The following KIAA1217 variants were observed in gnomAD, a reference collection of about 807,000 sequenced individuals.
KIAA1217 encodes the protein KIAA1217.
In KIAA1217, 88 loss-of-function variants were observed where a neutral mutation model predicts 163.9. The observed-to-expected ratio is 0.54, with a 90% CI of 0.45 to 0.64. KIAA1217 has a LOEUF of 0.64. Among genes scored for constraint, KIAA1217 ranks in the 30% least tolerant of loss-of-function variants. The probability of loss-of-function intolerance (pLI) is 0.00; values close to 1 mark genes in which losing one functional copy is unlikely to be tolerated. For synonymous variants in KIAA1217, 903 were observed against 923.1 expected, an observed-to-expected ratio of 0.98 and a Z score of 0.39; for missense variants, 2,372 against 2,475.0, an observed-to-expected ratio of 0.96 and a Z score of 0.88.
rs1000375729 is a variant in KIAA1217, at chr10:24,271,086, A to G, written c.354+51177A>G. On this transcript the variant is annotated intron_variant, in intron 2 of 20. Coordinates refer to ENST00000376454, the MANE Select transcript of KIAA1217 (RefSeq NM_019590.5). Reference sequence around the variant, plus strand: ...AAAGCATATTCTTAATTTGTCTATAATTTTTCCTTTAATTGGTAGTTTGGC... The same window carrying G: ...AAAGCATATTCTTAATTTGTCTATAGTTTTTCCTTTAATTGGTAGTTTGGC... Among the ~76,000 whole-genome samples the G allele has an allele frequency of 2.0e-5, 3 of 152,160 alleles. 1 individual carries two copies. In the South Asian group the frequency reaches 6.2e-4, roughly 32 times the overall value.
chr10:23,907,847 T>A (rs1249690083), intron 1 of KIAA1217, among the ~76,000 whole-genome samples: 1 of 152,048 alleles, frequency 6.6e-6, no homozygotes, highest in African/African-American at 2.4e-5. Flanking sequence ...TGCCTGCTCC[T>A]CTTCTAGGCT....
At chr10:24,521,731 T>G (rs753117955) in intron 11 of KIAA1217, 51 bp from the exon 12 acceptor site, 1 of 1,585,482 alleles carries the variant, frequency 6.3e-7, no homozygotes, top group South Asian at 1.1e-5. Context: ...GGATGAGGGT[T>G]GTCGTTCTGG....
chr10:23,883,207 T>C (rs1038800732), intron 1 of KIAA1217, among the ~76,000 whole-genome samples: 9 of 152,096 alleles, frequency 5.9e-5, no homozygotes, highest in African/African-American at 1.7e-4. Context: ...TACACTGGTC[T>C]GAAATTTAAG....
intron 1 of KIAA1217, among the ~76,000 whole-genome samples, chr10:23,719,304 G>A (rs114336619): frequency 0.018 from 2,693 of 152,306 alleles, 78 homozygotes; most frequent in African/African-American, 0.062. Context: ...GCCTAGTCCG[G>A]GTGCCGTGGC....
intron 1 of KIAA1217, among the ~76,000 whole-genome samples, chr10:23,743,114 C>A (rs1490298729): frequency 6.6e-6 from 1 of 152,086 alleles, no homozygotes; most frequent in Non-Finnish European, 1.5e-5. Context: ...CTGGGAATTT[C>A]TGCAAGATGA....
intron 1 of KIAA1217, among the ~76,000 whole-genome samples, chr10:23,824,449 G>A (rs1394503022): frequency 6.7e-6 from 1 of 150,008 alleles, no homozygotes; most frequent in Non-Finnish European, 1.5e-5. Context: ...CCAACATGGT[G>A]AAACCCCGTC....
chr10:24,284,771 A>T (rs1023255788), intron 2 of KIAA1217, among the ~76,000 whole-genome samples: 1 of 152,178 alleles, frequency 6.6e-6, no homozygotes, highest in Non-Finnish European at 1.5e-5. Flanking sequence ...GGAGATTGCT[A>T]GGTCAAATGG....
At chr10:24,320,888 A>G (rs1051345886) in intron 2 of KIAA1217, among the ~76,000 whole-genome samples, 1 of 152,076 alleles carries the variant, frequency 6.6e-6, no homozygotes, top group African/African-American at 2.4e-5. Flanking sequence ...CTAAAAATAC[A>G]AAACCAAAAT....
At chr10:23,890,729 A>G (rs1008222399) in intron 1 of KIAA1217, among the ~76,000 whole-genome samples, 13 of 152,128 alleles carry the variant, frequency 8.5e-5, no homozygotes, top group African/African-American at 2.2e-4. Flanking sequence ...GAGGTTATTG[A>G]ATAAAGTATT....
chr10:24,107,658 T>G (rs139673062), intron 2 of KIAA1217, among the ~76,000 whole-genome samples: 1 of 152,238 alleles, frequency 6.6e-6, no homozygotes, highest in Admixed American at 6.5e-5. Flanking sequence ...TTTTTTCATA[T>G]GCTTGTTGGC....
intron 2 of KIAA1217, among the ~76,000 whole-genome samples, chr10:24,125,349 T>TGTGTGTGTGTGC (rs1412345155): frequency 2.0e-5 from 3 of 151,718 alleles, no homozygotes; most frequent in Non-Finnish European, 2.9e-5. Context: ...TGTGTGTGTG[T>TGTGTGTGTGTGC]GTGTGTGTGT....
intron 2 of KIAA1217, among the ~76,000 whole-genome samples, chr10:24,341,613 G>A (rs570156785): frequency 5.9e-5 from 9 of 151,992 alleles, no homozygotes; most frequent in South Asian, 4.1e-4. Flanking sequence ...TATACTCTGC[G>A]TCATAGCCAA....
intron 1 of KIAA1217, among the ~76,000 whole-genome samples, chr10:23,957,834 A>G (rs1844637802): frequency 6.6e-6 from 1 of 152,124 alleles, no homozygotes. Context: ...CTCTATCATC[A>G]TGGTTTAGTT....
intron 5 of KIAA1217, among the ~76,000 whole-genome samples, chr10:24,465,233 T>C (rs2062820311): frequency 6.6e-6 from 1 of 152,210 alleles, no homozygotes; most frequent in Non-Finnish European, 1.5e-5. Context: ...CCTTCTACTG[T>C]TTTCCGACCT....
intron 2 of KIAA1217, among the ~76,000 whole-genome samples, chr10:24,176,951 T>G (rs1466530378): frequency 6.6e-6 from 1 of 152,066 alleles, no homozygotes. Context: ...GCACACCCTC[T>G]GCAGTTGCTG....
intron 1 of KIAA1217, among the ~76,000 whole-genome samples, chr10:23,995,921 C>T (rs565551584): frequency 2.0e-5 from 3 of 152,256 alleles, no homozygotes; most frequent in African/African-American, 4.8e-5. Context: ...GGGAAAGTCA[C>T]TTCGCCTCTT....
chr10:23,915,650 A>G (rs1589068692), intron 1 of KIAA1217, among the ~76,000 whole-genome samples: 1 of 152,184 alleles, frequency 6.6e-6, no homozygotes, highest in East Asian at 1.9e-4. Context: ...TTTTCTGGAA[A>G]TCTATAGCTA....
At chr10:23,938,711 A>C (rs1280975653) in intron 1 of KIAA1217, among the ~76,000 whole-genome samples, 2 of 151,936 alleles carry the variant, frequency 1.3e-5, no homozygotes, top group Non-Finnish European at 2.9e-5. Context: ...CAAATACTAC[A>C]CTATTTTATA....
chr10:23,848,927 C>T (rs975114237), intron 1 of KIAA1217, among the ~76,000 whole-genome samples: 1 of 152,026 alleles, frequency 6.6e-6, no homozygotes. Context: ...TTACACATTG[C>T]TTTGAGTTAT....
Sources: gnomAD v4.1 joint callset for allele counts (sites outside exome capture counted in the v4.1 genomes callset) on GRCh38, gnomAD v4.1.1 for gene constraint, MANE v1.5 for transcripts, NCBI Gene and HGNC (gene_info 2026-07-23, HGNC 2026-07-21) for gene names.